The following UBR4 variants were observed in gnomAD, a reference collection of about 807,000 sequenced individuals.
The protein encoded by UBR4 is E3 ubiquitin-protein ligase UBR4.
A neutral mutation model predicts 575.6 loss-of-function variants in UBR4; 124 were observed. The ratio of observed to expected loss-of-function variants is 0.22; its 90% CI spans 0.19 to 0.25. The LOEUF (loss-of-function observed/expected upper bound fraction) is 0.25, where lower values mean the gene tolerates loss of function less well. UBR4 is among the 10% of genes least tolerant of loss of function. The probability of loss-of-function intolerance (pLI) is 1.00; values close to 1 mark genes in which losing one functional copy is unlikely to be tolerated. For missense variants in UBR4, 4,818 were observed against 6,478.8 expected (o/e 0.74, Z 8.80); for synonymous variants, 2,455 against 2,473.7 (o/e 0.99, Z 0.22).
intron 25 of UBR4, 90 bp downstream of exon 25, chr1:19,172,774 G>T: frequency 7.3e-7 from 1 of 1,368,494 alleles, no homozygotes; most frequent in Non-Finnish European, 1.0e-6. Flanking sequence ...CTAAGCTGAA[G>T]AAAGAGAAAA....
intron 11 of UBR4, 132 bp from the exon 12 acceptor site, chr1:19,187,672 T>A: frequency 8.6e-6 from 6 of 697,524 alleles, no homozygotes; most frequent in Non-Finnish European, 1.2e-5. Context: ...AAAAAAAAAA[T>A]TGTACATACA....
chr1:19,166,756 A>C (rs1313177512), intron 29 of UBR4, among the ~76,000 whole-genome samples: 3 of 128,490 alleles, frequency 2.3e-5, no homozygotes, highest in South Asian at 2.6e-4. Flanking sequence ...AAAAAAAAAA[A>C]CCAGCTGGGC....
chr1:19,164,884 G>A lies in UBR4; in HGVS notation c.4426C>T (p.Pro1476Ser), dbSNP rs375823508. The A allele has an allele frequency of 3.1e-6, 5 of 1,614,206 alleles. No homozygotes were observed. The highest frequency in any genetic ancestry group is 1.3e-5 in the African/African-American group (1 of 75,050). ...ACATCCAGCTGATCAGAATCTTTTGGGGGCGATGTAGTCATGCGGGTGAGC... is the reference window on the plus strand; with the variant it reads ...ACATCCAGCTGATCAGAATCTTTTGAGGGCGATGTAGTCATGCGGGTGAGC... ...AWLTRMTTSP[P>S]KDSDQLDVIQ... The change falls in exon 32 of 106, where the codon CCA (proline) becomes TCA (serine). Residue 1476 changes from proline (P) to serine (S), a missense_variant. Coordinates refer to ENST00000375254, the MANE Select transcript of UBR4 (RefSeq NM_020765.3).
intron 8 of UBR4, among the ~76,000 whole-genome samples, chr1:19,195,955 TAC>T (rs1431113354): frequency 1.5e-5 from 2 of 136,174 alleles, no homozygotes; most frequent in African/African-American, 5.8e-5. Flanking sequence ...CCATAAAACC[TAC>T]AGACTTACTT....
rs375408215 is a variant in UBR4, at chr1:19,101,547, G to A, written c.12996C>T (p.Phe4332=). The A allele has an allele frequency of 8.0e-5, 129 of 1,613,710 alleles. No individual in the cohort carries two copies. Among genetic ancestry groups the A allele is most frequent in the Middle Eastern group, 3.3e-4 (2 of 6,064 alleles). Residue 4332 remains phenylalanine (F), a synonymous_variant, in exon 88 of 106, where the codon TTC becomes TTT. Coordinates refer to ENST00000375254, the MANE Select transcript of UBR4 (RefSeq NM_020765.3). Reference sequence around the variant, plus strand: ...GATAAATGATGCTGCAGAGCCTCTCGAAGATGAACACCGGGGTCCGGTAGT... The same window carrying A: ...GATAAATGATGCTGCAGAGCCTCTCAAAGATGAACACCGGGGTCCGGTAGT... ...LDDYRTPVFI[F]ERLCSIIYPE...
rs377439755 is a variant in UBR4, at chr1:19,114,972, T to C, written c.11064-23A>G. The C allele has an allele frequency of 7.4e-6, 12 of 1,613,848 alleles. No homozygotes were observed. The African/African-American group carries it at 1.3e-4, about 18-fold the overall frequency. Reference sequence around the variant, plus strand: ...GATCTGAGTAACCAAAGCGTTTGGGTCAGTAAGGTGACAAGGCTGGGTGGG... The same window carrying C: ...GATCTGAGTAACCAAAGCGTTTGGGCCAGTAAGGTGACAAGGCTGGGTGGG... On this transcript the variant is annotated intron_variant, in intron 74 of 105. Coordinates refer to ENST00000375254, the MANE Select transcript of UBR4 (RefSeq NM_020765.3).
chr1:19,078,034 G>A lies in UBR4; in HGVS notation c.15266C>T (p.Ala5089Val), dbSNP rs1351811676. The change falls in exon 104 of 106, where the codon GCT (alanine) becomes GTT (valine). Residue 5089 changes from alanine (A) to valine (V), a missense_variant. Physicochemically the swap from Ala to Val is moderately conservative, Grantham distance 64. This residue lies in a region of UBR4 where 212 missense variants were observed against 221.3 expected (regional missense o/e 0.96). Coordinates refer to ENST00000375254, the MANE Select transcript of UBR4 (RefSeq NM_020765.3). The stretch of plus-strand genomic sequence containing the variant: ...CCAAAAGAGAAGGGAAGAACGGTAA[G>A]CGGAATAGTCCTTCACTGCCTTATC... Reference protein sequence around the residue: ...LTDKAVKDYSAYRSSLLFWAL... With the variant: ...LTDKAVKDYSVYRSSLLFWAL... 11 of 1,613,990 alleles carry A rather than the reference G, an allele frequency of 6.8e-6. No homozygotes were observed. Among genetic ancestry groups the A allele is most frequent in the Non-Finnish European group, 9.3e-6 (11 of 1,180,016 alleles).
intron 32 of UBR4, 108 bp from the exon 33 acceptor site, chr1:19,164,549 TC>T: frequency 7.8e-7 from 1 of 1,274,784 alleles, no homozygotes; most frequent in Non-Finnish European, 1.1e-6. Flanking sequence ...ACAATACCAA[TC>T]CCAGCTTTGG....
intron 1 of UBR4, among the ~76,000 whole-genome samples, chr1:19,206,338 C>A (rs901719172): frequency 1.1e-4 from 16 of 143,850 alleles, no homozygotes; most frequent in African/African-American, 4.1e-4. Context: ...CCCTGTCTCT[C>A]TTTTTTTTTT....
chr1:19,096,627 C>T lies in UBR4; in HGVS notation c.13414G>A (p.Val4472Met), dbSNP rs1191649012. Residue 4472 changes from valine (V) to methionine (M), a missense_variant, in exon 92 of 106, where the codon GTG becomes ATG. Around this residue, in one of 29 missense-constraint regions of UBR4, gnomAD observed 165 missense variants for 282.3 expected, o/e 0.58. Coordinates refer to ENST00000375254, the MANE Select transcript of UBR4 (RefSeq NM_020765.3). ...TTDEEEDEEEVYKMAGVMAQC... is the reference protein window; with the variant it reads ...TTDEEEDEEEMYKMAGVMAQC... ...GCCATCACACCAGCCATTTTATACA[C>T]TTCTTCTTCATCTTCTTCTTCATCT... 1.2e-6 allele frequency: 2 copies of T among 1,613,684 alleles called. No homozygotes were observed. The highest frequency in any genetic ancestry group is 1.7e-5 in the Admixed American group (1 of 59,950).
Position 19,173,185 on chromosome 1 carries a change from C to T in UBR4, c.3287G>A (p.Arg1096Gln), listed in dbSNP as rs550546558. 5.6e-6 allele frequency: 9 copies of T among 1,614,102 alleles called. No homozygotes were observed. The highest frequency in any genetic ancestry group is 1.1e-5 in the South Asian group (1 of 91,052). The part of the protein sequence containing the change: ...DVEIVEEYFA[R>Q]QISSFCSIDC... ...TTAGGTTCCAATATTACATACCTGT[C>T]GAGCGAAGTATTCCTCTACTATTTC... The change falls in exon 24 of 106, where the codon CGA (arginine) becomes CAA (glutamine). Residue 1096 changes from arginine to glutamine, a missense_variant. By Grantham distance (43) the Arg-to-Gln change is conservative (BLOSUM62 1). Coordinates refer to ENST00000375254, the MANE Select transcript of UBR4 (RefSeq NM_020765.3).
chr1:19,156,711 A>G (rs2086509570), intron 41 of UBR4, 56 bp downstream of exon 41: 1 of 1,571,098 alleles, frequency 6.4e-7, no homozygotes, highest in Admixed American at 1.8e-5. Flanking sequence ...AACAGGGGAG[A>G]GAAAATGACT....
Position 19,121,331 on chromosome 1 carries a change from G to C in UBR4, c.9999C>G (p.Leu3333=). The change falls in exon 68 of 106, where the codon CTC becomes CTG. Residue 3333 remains leucine, a synonymous_variant. Coordinates refer to ENST00000375254, the MANE Select transcript of UBR4 (RefSeq NM_020765.3). ...ATCCCGAAGAGGCTGCCAGTGCAGC[G>C]AGCACCTTGCTGCCGCACAGAGCAC... ...LSCALCGSKV[L]AALAASSGSS... is the part of the protein sequence containing the mutation. 1 of 1,614,192 alleles carries C rather than the reference G, an allele frequency of 6.2e-7. No individual in the cohort carries two copies. Among genetic ancestry groups the C allele is most frequent in the Non-Finnish European group, 8.5e-7 (1 of 1,180,028 alleles).
At chr1:19,150,218 A>G (rs2085476934) in intron 49 of UBR4, among the ~76,000 whole-genome samples, 1 of 152,156 alleles carries the variant, frequency 6.6e-6, no homozygotes, top group African/African-American at 2.4e-5. Flanking sequence ...ATGAGCTCAG[A>G]ATGGAAGGGA....
intron 25 of UBR4, among the ~76,000 whole-genome samples, chr1:19,171,371 A>G (rs1377909928): frequency 6.6e-6 from 1 of 152,166 alleles, no homozygotes; most frequent in Non-Finnish European, 1.5e-5. Flanking sequence ...CCATAACCCT[A>G]GCACCTAGAA....
intron 24 of UBR4, 31 bp from the exon 25 acceptor site, chr1:19,173,124 T>C (rs2089811217): frequency 1.4e-5 from 22 of 1,613,672 alleles, no homozygotes; most frequent in Non-Finnish European, 1.9e-5. Flanking sequence ...TAATTAGCTG[T>C]GGCAATGGGC....
intron 1 of UBR4, 44 bp downstream of exon 1, chr1:19,210,029 C>G (rs2093240981): frequency 9.3e-6 from 14 of 1,501,764 alleles, no homozygotes; most frequent in Non-Finnish European, 1.2e-5. Flanking sequence ...TCGAAATCCC[C>G]TCCCCCCACA....
At chr1:19,094,288 A>G (rs1395184271) in intron 94 of UBR4, 149 bp from the exon 95 acceptor site, 1 of 605,786 alleles carries the variant, frequency 1.7e-6, no homozygotes, top group Admixed American at 3.1e-5. Context: ...GGGGAATAAC[A>G]AACAGTCGGA....
chr1:19,096,511 C>T lies in UBR4; in HGVS notation c.13518+12G>A, dbSNP rs759210617. On this transcript the variant is annotated intron_variant, in intron 92 of 105. Transcript: ENST00000375254. ...AAAGGCTGGCCCCCACAACTTGCTG[C>T]CCCCAACTCACTGTTAGAAGGTGGC... 1.5e-5 allele frequency: 24 copies of T among 1,610,600 alleles called. No individual in the cohort carries two copies. In the South Asian group the frequency reaches 2.5e-4, roughly 17 times the overall value.
Sources: allele counts gnomAD v4.1 joint callset (sites outside exome capture counted in the v4.1 genomes callset), GRCh38; gene constraint gnomAD v4.1.1; regional missense constraint gnomAD v4.1.1; transcripts MANE v1.5; gene names NCBI Gene and HGNC (gene_info 2026-07-23, HGNC 2026-07-21).